Variants in ABCC9 observed in about 807,000 individuals in gnomAD.
ABCC9 encodes the protein ATP-binding cassette sub-family C member 9.
A neutral mutation model predicts 188.3 loss-of-function variants in ABCC9; 95 were observed. That is an observed-to-expected ratio of 0.50 (90% CI 0.43 to 0.60). ABCC9 has a LOEUF of 0.60. Among genes scored for constraint, ABCC9 ranks in the 20% least tolerant of loss-of-function variants. ABCC9 has a pLI of 0.00. For missense variants in ABCC9, 1,102 were observed against 1,876.3 expected, an observed-to-expected ratio of 0.59 and a Z score of 7.62; for synonymous variants, 659 against 652.7, an observed-to-expected ratio of 1.01 and a Z score of -0.15.
chr12:21,852,324 G>T lies in ABCC9; in HGVS notation c.2643+44C>A, dbSNP rs117514003. The T allele has an allele frequency of 0.043, 69,909 of 1,611,046 alleles. 1,739 individuals carry two copies. The highest frequency in any genetic ancestry group is 0.051 in the Non-Finnish European group (60,428 of 1,177,696). ...CATTTTTTACTGTCTCTATTTATAT[G>T]ACTATAATATAAAAATGAGCAAAAT... is the stretch of plus-strand genomic sequence containing the variant. On this transcript the variant is annotated intron_variant, in intron 23 of 39. Transcript: ENST00000261200.
At chr12:21,907,709 C>G (rs965489662) in intron 11 of ABCC9, among the ~76,000 whole-genome samples, 3 of 151,988 alleles carry the variant, frequency 2.0e-5, no homozygotes, top group Non-Finnish European at 4.4e-5. Context: ...GCAAACTTGA[C>G]CCTTCACTTG....
At position 21,805,346 on chromosome 12, in the gene ABCC9, G is replaced by T. The variant is rs774875061; in HGVS notation, c.4512+652C>A. ...AAAATAGAAAAGAAGAGAATCAGCA[G>T]AAGGAAAAATGTCCAAGTGACTCAT... is the stretch of plus-strand genomic sequence containing the variant. On this transcript the variant is annotated intron_variant, in intron 39 of 39. Coordinates refer to ENST00000261200, the MANE Select transcript of ABCC9 (RefSeq NM_020297.4). 7.5e-6 allele frequency: 12 copies of T among 1,601,186 alleles called. 1 individual carries two copies. Among genetic ancestry groups the T allele is most frequent in the South Asian group, 1.1e-5 (1 of 90,750 alleles).
chr12:21,890,310 C>T (rs188415054), intron 14 of ABCC9, among the ~76,000 whole-genome samples: 84 of 152,238 alleles, frequency 5.5e-4, no homozygotes, highest in Middle Eastern at 6.8e-3. Context: ...TTAGCATCGT[C>T]TAAAAGCTGC....
In ABCC9 at chr12:21,872,753, A is replaced by G. The variant is rs753400131; in HGVS notation, c.2093-23T>C. On this transcript the variant is annotated intron_variant, in intron 17 of 39. Transcript: ENST00000261200. Reference sequence around the variant, plus strand: ...GACCTAGGAAAGCAAAACAAAGGATAACTACAGAATGAGATGGATTCTTGG... The same window carrying G: ...GACCTAGGAAAGCAAAACAAAGGATGACTACAGAATGAGATGGATTCTTGG... 5 of 1,512,160 alleles carry G rather than the reference A, an allele frequency of 3.3e-6. No homozygotes were observed. The East Asian group carries it at 9.0e-5, about 27-fold the overall frequency. The allele number at this position is 1,512,160 out of a possible 1,614,324, so 93.7% of individuals were successfully genotyped here.
intron 35 of ABCC9, among the ~76,000 whole-genome samples, chr12:21,813,173 A>G (rs541480802): frequency 6.6e-6 from 1 of 152,220 alleles, no homozygotes; most frequent in South Asian, 2.1e-4. Flanking sequence ...TAATAATACA[A>G]TGCATTACAA....
chr12:21,924,324 G>A (rs1213578287), intron 5 of ABCC9: 2 of 152,296 alleles, frequency 1.3e-5, no homozygotes, highest in African/African-American at 4.8e-5. Flanking sequence ...TGAATAGAAG[G>A]ATGAAAAGAT....
chr12:21,883,487 G>T lies in ABCC9; in HGVS notation c.1912-614C>A, dbSNP rs189555615. Among the ~76,000 whole-genome samples the T allele has an allele frequency of 2.4e-4, 36 of 152,332 alleles. No individual in the cohort carries two copies. The East Asian group carries it at 6.2e-3, about 26-fold the overall frequency. On this transcript the variant is annotated intron_variant, in intron 15 of 39. Coordinates refer to ENST00000261200, the MANE Select transcript of ABCC9 (RefSeq NM_020297.4). ...ATGTTTGTGAGGCCTCCCCAGCCAT[G>T]TGGAACTGTGAGTCCATTAAACCTC...
At chr12:21,925,283 G>T in intron 5 of ABCC9, 1 of 492,430 alleles carries the variant, frequency 2.0e-6, no homozygotes, top group Admixed American at 3.5e-5. Flanking sequence ...TTGACCCAAG[G>T]CAAAAATAAA....
intron 19 of ABCC9, 99 bp from the exon 20 acceptor site, chr12:21,863,153 T>C (rs1737623991): frequency 3.8e-6 from 3 of 786,146 alleles, no homozygotes. Context: ...ATTAGTAAAC[T>C]ATCTCAGATA....
Position 21,934,541 on chromosome 12 carries a change from G to GT in ABCC9, c.143-619_143-618insA, listed in dbSNP as rs771654317. On this transcript the variant is annotated intron_variant, in intron 3 of 39. Transcript: ENST00000261200. ...GGTCCACCGTTAGCTTGCCACTGAA[G>GT]AAAAAAATTCAAGGTTGTATGTTAG... Among the ~76,000 whole-genome samples, 102 of 151,984 alleles carry GT rather than the reference G, an allele frequency of 6.7e-4. 1 individual carries two copies. The highest frequency in any genetic ancestry group is 8.7e-4 in the Non-Finnish European group (59 of 67,884).
intron 12 of ABCC9, among the ~76,000 whole-genome samples, chr12:21,902,303 T>C (rs1025522221): frequency 2.6e-5 from 4 of 152,050 alleles, no homozygotes; most frequent in Non-Finnish European, 4.4e-5. Flanking sequence ...AAGCAGTGTG[T>C]AGAGGGAAAT....
chr12:21,855,377 G>T (rs544645108), intron 22 of ABCC9, among the ~76,000 whole-genome samples: 4 of 151,904 alleles, frequency 2.6e-5, no homozygotes, highest in African/African-American at 9.7e-5. Flanking sequence ...ACGCCACCAC[G>T]CCCCGCTAAT....
chr12:21,933,573 T>A (rs777605879), intron 4 of ABCC9, among the ~76,000 whole-genome samples: 1 of 152,102 alleles, frequency 6.6e-6, no homozygotes, highest in Admixed American at 6.5e-5. Flanking sequence ...ATTAGACCTA[T>A]GTGTAAATGT....
chr12:21,841,073 G>C (rs1944360189), intron 29 of ABCC9, among the ~76,000 whole-genome samples: 1 of 152,146 alleles, frequency 6.6e-6, no homozygotes, highest in Non-Finnish European at 1.5e-5. Context: ...CTTGAGAACA[G>C]GCCCCTGACA....
chr12:21,834,786 TACACACACACACACACACACACAC>T (rs61211269), intron 30 of ABCC9, among the ~76,000 whole-genome samples: 1 of 141,508 alleles, frequency 7.1e-6, no homozygotes, highest in Admixed American at 7.2e-5. Flanking sequence ...TATAACATTA[TACACACACACACACACACACACAC>T]ACACACACAC....
At position 21,845,715 on chromosome 12, in the gene ABCC9, A is replaced by G; in HGVS notation, c.2984T>C (p.Ile995Thr). The stretch of plus-strand genomic sequence containing the variant: ...CAAAAGCTTAGAGAAAATCATCAGG[A>G]TGAGCAGGAAGAATCCTCCAGATGT... ...YLTSGGFFLLILMIFSKLLKH... is the reference protein window; with the variant it reads ...YLTSGGFFLLTLMIFSKLLKH... The change falls in exon 26 of 40, where the codon ATC (isoleucine) becomes ACC (threonine). Residue 995 changes from isoleucine to threonine, a missense_variant. Ile to Thr is a moderately conservative substitution (Grantham distance 89). Around this residue, in one of 12 missense-constraint regions of ABCC9, gnomAD observed 131 missense variants for 170.2 expected, o/e 0.77. Coordinates refer to ENST00000261200, the MANE Select transcript of ABCC9 (RefSeq NM_020297.4). 6.2e-7 allele frequency: 1 copy of G among 1,613,940 alleles called. No individual in the cohort carries two copies. The highest frequency in any genetic ancestry group is 1.1e-5 in the South Asian group (1 of 91,080).
chr12:21,856,600 GA>G (rs1945240031), intron 22 of ABCC9, among the ~76,000 whole-genome samples: 1 of 152,138 alleles, frequency 6.6e-6, no homozygotes, highest in African/African-American at 2.4e-5. Context: ...AGCAAAATGT[GA>G]AACTATTCAA....
Position 21,842,316 on chromosome 12 carries a change from A to G in ABCC9, c.3471T>C (p.Ser1157=). 6.2e-7 allele frequency: 1 copy of G among 1,613,622 alleles called. No homozygotes were observed. Among genetic ancestry groups the G allele is most frequent in the Non-Finnish European group, 8.5e-7 (1 of 1,179,708 alleles). Residue 1157 remains serine (S), a splice_region_variant and synonymous_variant, in exon 29 of 40, where the codon TCT becomes TCC. Coordinates refer to ENST00000261200, the MANE Select transcript of ABCC9 (RefSeq NM_020297.4). ...YFIQKYFRVA[S]KDLQELDDST... ...GAGTGGGATGCTGTTTTACTTACTT[A>G]GAGGCAACCCGAAAGTATTTCTGGA...
intron 35 of ABCC9, 131 bp downstream of exon 35, chr12:21,814,513 G>A (rs1228295079): frequency 5.2e-6 from 4 of 766,214 alleles, no homozygotes; most frequent in African/African-American, 5.2e-5. Context: ...TGGGATATCT[G>A]CCTTGAACCA....
Sources: gnomAD v4.1 joint callset for allele counts (sites outside exome capture counted in the v4.1 genomes callset) on GRCh38, gnomAD v4.1.1 for gene constraint, gnomAD v4.1.1 regional missense constraint, MANE v1.5 for transcripts, NCBI Gene and HGNC (gene_info 2026-07-23, HGNC 2026-07-21) for gene names.